Variants in AGMO observed in about 807,000 individuals in gnomAD.
AGMO encodes the protein glyceryl-ether monooxygenase.
Under a neutral mutation model 60.2 loss-of-function variants are expected in AGMO, and 75 were observed. The ratio of observed to expected loss-of-function variants is 1.25; its 90% confidence interval spans 1.03 to 1.51. AGMO has a LOEUF of 1.51. Among genes scored for constraint, AGMO ranks in the 40% most tolerant of loss-of-function variants. AGMO has a pLI of 0.00. For missense variants in AGMO, 763 were observed against 525.5 expected, an observed-to-expected ratio of 1.45 and a Z score of -4.42; for synonymous variants, 261 against 177.1, an observed-to-expected ratio of 1.47 and a Z score of -3.76.
intron 3 of AGMO, among the ~76,000 whole-genome samples, chr7:15,514,528 C>G (rs1277325416): frequency 6.6e-6 from 1 of 152,040 alleles, no homozygotes. Context: ...AATTTGTACA[C>G]AACTTAAATA....
chr7:15,369,853 G>T (rs941872625), intron 10 of AGMO, among the ~76,000 whole-genome samples: 20 of 152,066 alleles, frequency 1.3e-4, no homozygotes, highest in Non-Finnish European at 8.8e-5. Flanking sequence ...TACATTAAAT[G>T]TTATTACATT....
intron 2 of AGMO, among the ~76,000 whole-genome samples, chr7:15,551,992 A>G (rs1244863907): frequency 6.6e-6 from 1 of 152,004 alleles, no homozygotes; most frequent in African/African-American, 2.4e-5. Flanking sequence ...ATGGAACAGA[A>G]CAGAGCCCTC....
chr7:15,276,734 T>C (rs1421969586), intron 12 of AGMO, among the ~76,000 whole-genome samples: 1 of 152,182 alleles, frequency 6.6e-6, no homozygotes, highest in East Asian at 1.9e-4. Context: ...GTTCATATTT[T>C]TAAAATCCTC....
intron 5 of AGMO, among the ~76,000 whole-genome samples, chr7:15,409,128 CTT>C (rs1784776501): frequency 6.6e-6 from 1 of 151,696 alleles, no homozygotes; most frequent in South Asian, 2.1e-4. Flanking sequence ...GGAATTTAGA[CTT>C]TATTCAGTAA....
intron 10 of AGMO, 26 bp from the exon 11 acceptor site, chr7:15,366,248 G>C: frequency 6.4e-7 from 1 of 1,552,188 alleles, no homozygotes; most frequent in Admixed American, 1.7e-5. Flanking sequence ...GGAGATCAAT[G>C]GAGCCGTTAG....
In AGMO at chr7:15,536,304, C is replaced by CT. The variant is rs567486665; in HGVS notation, c.409+8467dup. Among the ~76,000 whole-genome samples, 627 of 151,718 alleles carry CT rather than the reference C, an allele frequency of 4.1e-3. 3 individuals are homozygous for CT. Among genetic ancestry groups the CT allele is most frequent in the African/African-American group, 0.014 (594 of 41,438 alleles). On this transcript the variant is annotated intron_variant, in intron 3 of 12. Coordinates refer to ENST00000342526, the MANE Select transcript of AGMO (RefSeq NM_001004320.2). ...TCAGGGAACTTGGCTCCAGAATCTA[C>CT]TTTTTTTTACCACTATACTTGTCGC...
Position 15,306,825 on chromosome 7 carries a change from ATAAAT to A in AGMO, c.1263+58684_1263+58688del, listed in dbSNP as rs1165659067. Among the ~76,000 whole-genome samples the A allele has an allele frequency of 5.9e-5, 9 of 152,164 alleles. No homozygotes were observed. In the East Asian group the frequency reaches 1.7e-3, roughly 29 times the overall value. ...CATTGGAAAGGGCTGTTGGAGAAAC[ATAAAT>A]TATTCAGTTAGTGTATAAAATATTA... is the stretch of plus-strand genomic sequence containing the variant. On this transcript the variant is annotated intron_variant, in intron 12 of 12. Transcript: ENST00000342526.
chr7:15,212,264 AC>A (rs1194495182), intron 12 of AGMO, among the ~76,000 whole-genome samples: 5 of 123,494 alleles, frequency 4.0e-5, no homozygotes, highest in African/African-American at 1.6e-4. Context: ...ACACACACAC[AC>A]ACACACACAC....
the AGMO span, among the ~76,000 whole-genome samples, chr7:15,173,953 A>T: frequency 6.6e-6 from 1 of 151,942 alleles, no homozygotes; most frequent in African/African-American, 2.4e-5. Context: ...ATTTCATGTT[A>T]TCTTTAATAC....
chr7:15,551,028 A>T (rs1379340047), intron 2 of AGMO, among the ~76,000 whole-genome samples: 4 of 148,838 alleles, frequency 2.7e-5, no homozygotes. Flanking sequence ...CAAATCAATA[A>T]ATGTAATCCA....
intron 12 of AGMO, among the ~76,000 whole-genome samples, chr7:15,280,749 T>C (rs183796016): frequency 4.5e-4 from 68 of 152,318 alleles, no homozygotes; most frequent in African/African-American, 1.5e-3. Flanking sequence ...GTATGTGACC[T>C]CAGCCATCAC....
intron 12 of AGMO, among the ~76,000 whole-genome samples, chr7:15,353,068 T>C (rs1782317212): frequency 6.6e-6 from 1 of 152,022 alleles, no homozygotes; most frequent in Non-Finnish European, 1.5e-5. Context: ...ATTTCAAATG[T>C]AGGACAGGTG....
At chr7:15,224,343 T>C (rs1782013791) in intron 12 of AGMO, among the ~76,000 whole-genome samples, 1 of 151,910 alleles carries the variant, frequency 6.6e-6, no homozygotes, top group Non-Finnish European at 1.5e-5. Context: ...GGTAATTAGG[T>C]CATGAGGGTA....
At chr7:15,362,525 A>G (rs1782806178) in intron 12 of AGMO, among the ~76,000 whole-genome samples, 1 of 152,156 alleles carries the variant, frequency 6.6e-6, no homozygotes, top group Admixed American at 6.5e-5. Context: ...CCTTTGTGGC[A>G]CTTCATTTTT....
chr7:15,356,938 T>G (rs1470147329), intron 12 of AGMO, among the ~76,000 whole-genome samples: 1 of 130,904 alleles, frequency 7.6e-6, no homozygotes, highest in Admixed American at 8.2e-5. Flanking sequence ...CGAAATCCCC[T>G]CTCTACTAAA....
chr7:15,300,750 A>C lies in AGMO; in HGVS notation c.1263+64764T>G, dbSNP rs10260306. Among the ~76,000 whole-genome samples the C allele has an allele frequency of 7.4e-3, 1,134 of 152,300 alleles. 8 individuals are homozygous for C. The highest frequency in any genetic ancestry group is 0.026 in the African/African-American group (1,067 of 41,562). ...TAAAACTCCTGGAGGAAATTAGCAAATCTTAAAGGTGTGGATGACATTCTG... is the reference window on the plus strand; with the variant it reads ...TAAAACTCCTGGAGGAAATTAGCAACTCTTAAAGGTGTGGATGACATTCTG... On this transcript the variant is annotated intron_variant, in intron 12 of 12. Coordinates refer to ENST00000342526, the MANE Select transcript of AGMO (RefSeq NM_001004320.2).
At chr7:15,345,433 A>T (rs906025313) in intron 12 of AGMO, among the ~76,000 whole-genome samples, 3 of 152,200 alleles carry the variant, frequency 2.0e-5, no homozygotes, top group Non-Finnish European at 2.9e-5. Context: ...GATACAAATC[A>T]TCACCTCAGG....
At chr7:15,268,035 T>C (rs574593137) in intron 12 of AGMO, among the ~76,000 whole-genome samples, 1 of 152,094 alleles carries the variant, frequency 6.6e-6, no homozygotes, top group Non-Finnish European at 1.5e-5. Context: ...AAACATAGGT[T>C]GCATGATAAT....
intron 3 of AGMO, among the ~76,000 whole-genome samples, chr7:15,493,707 T>C (rs370075936): frequency 1.3e-5 from 2 of 152,214 alleles, no homozygotes; most frequent in African/African-American, 4.8e-5. Flanking sequence ...TTTGATAATA[T>C]CTTAGAGGCC....
Sources: gnomAD v4.1 joint callset for allele counts (sites outside exome capture counted in the v4.1 genomes callset) on GRCh38, gnomAD v4.1.1 for gene constraint, MANE v1.5 for transcripts, NCBI Gene and HGNC (gene_info 2026-07-23, HGNC 2026-07-21) for gene names.